Variants in ATG10 observed in about 807,000 individuals in gnomAD.
ATG10 encodes autophagy related 10, also known as ubiquitin-like-conjugating enzyme ATG10.
A neutral mutation model predicts 32.1 loss-of-function variants in ATG10; 30 were observed. The observed-to-expected ratio is 0.94, with a 90% CI of 0.70 to 1.27. The LOEUF is 1.27. ATG10 is among the 50% of genes most tolerant of loss of function. The pLI is 0.00. For synonymous variants in ATG10, 87 were observed against 91.5 expected, an observed-to-expected ratio of 0.95 and a Z score of 0.28; for missense variants, 233 against 262.3, an observed-to-expected ratio of 0.89 and a Z score of 0.77.
At chr5:82,061,193 G>A (rs1339506169) in intron 3 of ATG10, among the ~76,000 whole-genome samples, 3 of 152,022 alleles carry the variant, frequency 2.0e-5, no homozygotes, top group African/African-American at 7.3e-5. Flanking sequence ...GAACAAGACA[G>A]CCCAGTACCC....
chr5:82,161,215 C>G (rs1445593229), intron 3 of ATG10, among the ~76,000 whole-genome samples: 1 of 152,116 alleles, frequency 6.6e-6, no homozygotes, highest in East Asian at 1.9e-4. Context: ...GTAAAGCATG[C>G]AGAAATGTCA....
Position 82,254,714 on chromosome 5 carries a change from G to A in ATG10, c.*651G>A, listed in dbSNP as rs1460921322. On this transcript the variant is annotated 3_prime_UTR_variant, in exon 8 of 8. Transcript: ENST00000282185. ...CTTCCATTTGTCTGACATGGAGATTGAGGGAGAAATGTATTTGTGTGTTCA... is the reference window on the plus strand; with the variant it reads ...CTTCCATTTGTCTGACATGGAGATTAAGGGAGAAATGTATTTGTGTGTTCA... 1.3e-5 allele frequency: 2 copies of A among 152,144 alleles called. No individual in the cohort carries two copies. The highest frequency in any genetic ancestry group is 2.4e-5 in the African/African-American group (1 of 41,426). 9.4% of individuals were successfully genotyped at this position (152,144 alleles called of 1,614,324 possible).
chr5:82,027,140 T>C (rs1762617928), intron 2 of ATG10, among the ~76,000 whole-genome samples: 1 of 151,956 alleles, frequency 6.6e-6, no homozygotes, highest in South Asian at 2.1e-4. Context: ...GGTTCATGCA[T>C]GTAATCCCAG....
chr5:82,078,950 T>A (rs1764373840), intron 3 of ATG10, among the ~76,000 whole-genome samples: 1 of 152,132 alleles, frequency 6.6e-6, no homozygotes, highest in Non-Finnish European at 1.5e-5. Flanking sequence ...GTATCATACC[T>A]CCATTGTTCA....
At chr5:82,032,835 T>C (rs987755911) in intron 2 of ATG10, among the ~76,000 whole-genome samples, 1 of 152,020 alleles carries the variant, frequency 6.6e-6, no homozygotes, top group Non-Finnish European at 1.5e-5. Flanking sequence ...TTCACACCTT[T>C]TTAATATATT....
intron 3 of ATG10, among the ~76,000 whole-genome samples, chr5:82,131,331 A>G (rs1766511053): frequency 6.6e-6 from 1 of 152,204 alleles, no homozygotes; most frequent in Non-Finnish European, 1.5e-5. Flanking sequence ...GGAAATTCAG[A>G]TTTATACTAG....
chr5:82,081,711 C>T (rs1233887377), intron 3 of ATG10, among the ~76,000 whole-genome samples: 1 of 152,186 alleles, frequency 6.6e-6, no homozygotes, highest in African/African-American at 2.4e-5. Flanking sequence ...ATGAAACCCA[C>T]TTGATCATGG....
intron 5 of ATG10, among the ~76,000 whole-genome samples, chr5:82,213,753 T>A (rs1022494842): frequency 2.0e-5 from 3 of 152,236 alleles, no homozygotes; most frequent in Non-Finnish European, 1.5e-5. Context: ...ATGTCTTTTA[T>A]GCCTTCAATA....
At chr5:82,141,550 T>G (rs932131632) in intron 3 of ATG10, among the ~76,000 whole-genome samples, 2 of 151,796 alleles carry the variant, frequency 1.3e-5, no homozygotes, top group Non-Finnish European at 2.9e-5. Flanking sequence ...CATTTAAAAG[T>G]ATCAGTCATA....
At chr5:82,189,329 C>G (rs183491867) in intron 5 of ATG10, among the ~76,000 whole-genome samples, 1 of 152,194 alleles carries the variant, frequency 6.6e-6, no homozygotes, top group African/African-American at 2.4e-5. Flanking sequence ...TGCTTTCATT[C>G]TGTTACAGAA....
At chr5:82,180,116 T>C (rs1205725210) in intron 5 of ATG10, among the ~76,000 whole-genome samples, 1 of 152,114 alleles carries the variant, frequency 6.6e-6, no homozygotes, top group Non-Finnish European at 1.5e-5. Context: ...CTGCAATAGT[T>C]CTCCGAGGGC....
Position 82,136,943 on chromosome 5 carries a change from C to G in ATG10, c.217-27456C>G, listed in dbSNP as rs536805736. On this transcript the variant is annotated intron_variant, in intron 3 of 7. Coordinates refer to ENST00000282185, the MANE Select transcript of ATG10 (RefSeq NM_031482.5). ...CTTTTTCTCTAATCTTGTCTTCATG[C>G]TTCATTTCATTAAGTTGATCTTCAA... Among the ~76,000 whole-genome samples, 5 of 152,160 alleles carry G rather than the reference C, an allele frequency of 3.3e-5. No homozygotes were observed. In the South Asian group the frequency reaches 8.3e-4, roughly 25 times the overall value.
chr5:82,091,809 A>G (rs949667269), intron 3 of ATG10, among the ~76,000 whole-genome samples: 4 of 152,204 alleles, frequency 2.6e-5, no homozygotes, highest in African/African-American at 9.6e-5. Context: ...AGTTGGATAA[A>G]TGCTGACTTA....
chr5:82,187,116 T>G (rs1056152385), intron 5 of ATG10, among the ~76,000 whole-genome samples: 2 of 151,748 alleles, frequency 1.3e-5, no homozygotes, highest in South Asian at 4.2e-4. Flanking sequence ...GAGGCTAGCC[T>G]AGGTAACATA....
intron 4 of ATG10, among the ~76,000 whole-genome samples, chr5:82,172,060 G>A (rs1161508186): frequency 1.3e-5 from 2 of 152,280 alleles, no homozygotes; most frequent in East Asian, 3.9e-4. Flanking sequence ...GATCAAGAGA[G>A]GCCTTGGCTG....
rs375122445 is a variant in ATG10, at chr5:82,165,952, A to T, written c.355+1415A>T. Among the ~76,000 whole-genome samples the T allele has an allele frequency of 1.6e-4, 24 of 152,288 alleles. No individual in the cohort carries two copies. The South Asian group carries it at 4.1e-3, about 26-fold the overall frequency. ...AATTAGTATTCACCATAAGCAGTTA[A>T]TCACCAGAGAAGAGCTCCCAGAGAC... On this transcript the variant is annotated intron_variant, in intron 4 of 7. Coordinates refer to ENST00000282185, the MANE Select transcript of ATG10 (RefSeq NM_031482.5).
At chr5:82,027,692 G>T (rs1762634954) in intron 2 of ATG10, among the ~76,000 whole-genome samples, 1 of 152,042 alleles carries the variant, frequency 6.6e-6, no homozygotes, top group Non-Finnish European at 1.5e-5. Flanking sequence ...CAATCTTATT[G>T]AATAACTTTT....
intron 3 of ATG10, among the ~76,000 whole-genome samples, chr5:82,130,142 G>C (rs1461180779): frequency 6.6e-6 from 1 of 152,140 alleles, no homozygotes; most frequent in Non-Finnish European, 1.5e-5. Context: ...TCTTTACACT[G>C]TGAGGGGAAA....
At chr5:82,024,275 G>A (rs1043240423) in intron 2 of ATG10, among the ~76,000 whole-genome samples, 3 of 139,560 alleles carry the variant, frequency 2.1e-5, no homozygotes, top group African/African-American at 7.4e-5. Context: ...TGGATTGTTC[G>A]ACTCTCTTGA....
Sources: allele counts gnomAD v4.1 joint callset (sites outside exome capture counted in the v4.1 genomes callset), GRCh38; gene constraint gnomAD v4.1.1; transcripts MANE v1.5; gene names NCBI Gene and HGNC (gene_info 2026-07-23, HGNC 2026-07-21).